TULP4: variants seen among roughly 807,000 people sequenced by gnomAD.
The protein encoded by TULP4 is TUB like protein 4.
TULP4 carries 16 observed loss-of-function variants against 129.0 expected under a neutral mutation model. The observed-to-expected ratio is 0.12, with a 90% CI of 0.08 to 0.19. TULP4 has a LOEUF of 0.19. Among genes scored for constraint, TULP4 ranks in the 10% least tolerant of loss-of-function variants. TULP4 has a pLI of 1.00. For missense variants in TULP4, 1,842 were observed against 2,059.1 expected, an observed-to-expected ratio of 0.89 and a Z score of 2.04; for synonymous variants, 998 against 854.0, an observed-to-expected ratio of 1.17 and a Z score of -2.94.
chr6:158,275,159 G>T (rs556942847), intron 1 of TULP4, among the ~76,000 whole-genome samples: 1 of 152,356 alleles, frequency 6.6e-6, no homozygotes, highest in Non-Finnish European at 1.5e-5. Context: ...TGGAGTGCTT[G>T]TATAGTTCTG....
At chr6:158,263,586 C>T (rs965530271) in intron 1 of TULP4, among the ~76,000 whole-genome samples, 17 of 152,052 alleles carry the variant, frequency 1.1e-4, no homozygotes, top group Admixed American at 7.2e-4. Flanking sequence ...TGGAATGAAG[C>T]TATCAAAAAG....
chr6:158,400,279 G>T (rs1777810242), intron 1 of TULP4, among the ~76,000 whole-genome samples: 1 of 152,104 alleles, frequency 6.6e-6, no homozygotes, highest in African/African-American at 2.4e-5. Context: ...AAAAAAAGTT[G>T]AACAGGCACC....
intron 1 of TULP4, among the ~76,000 whole-genome samples, chr6:158,406,533 T>G (rs1014882423): frequency 2.0e-5 from 3 of 152,038 alleles, no homozygotes; most frequent in Non-Finnish European, 4.4e-5. Flanking sequence ...GAAGTTAGAG[T>G]CATAGGGGGT....
intron 3 of TULP4, among the ~76,000 whole-genome samples, chr6:158,446,970 G>A (rs1465277691): frequency 6.6e-6 from 1 of 152,098 alleles, no homozygotes; most frequent in Admixed American, 6.5e-5. Context: ...CATAAATTGG[G>A]GAGGCGGGGA....
At chr6:158,456,789 A>G (rs564354099) in intron 5 of TULP4, among the ~76,000 whole-genome samples, 24 of 150,854 alleles carry the variant, frequency 1.6e-4, no homozygotes, top group Admixed American at 5.3e-4. Flanking sequence ...AGCTGAGATC[A>G]CGCCACTGCA....
At chr6:158,435,815 C>G (rs1190868653) in intron 3 of TULP4, among the ~76,000 whole-genome samples, 1 of 152,180 alleles carries the variant, frequency 6.6e-6, no homozygotes. Context: ...CCTCTCCTCC[C>G]TCCGGTCCCT....
At chr6:158,285,635 A>G (rs1300587451) in intron 1 of TULP4, among the ~76,000 whole-genome samples, 1 of 152,202 alleles carries the variant, frequency 6.6e-6, no homozygotes, top group Non-Finnish European at 1.5e-5. Context: ...AGCCGCTTCC[A>G]TGTAGTTGTA....
rs1224022984 is a variant in TULP4, at chr6:158,502,049, G to A, written c.2386G>A (p.Glu796Lys). The A allele has an allele frequency of 3.7e-6, 6 of 1,613,278 alleles. No homozygotes were observed. Among genetic ancestry groups the A allele is most frequent in the Admixed American group, 1.7e-5 (1 of 59,944 alleles). ...STVGHGDRDH[E>K]HLQKSAKALR... ...GGTGGGCCATGGAGACCGAGACCAC[G>A]AACACCTGCAGAAGTCAGCCAAGGC... is the stretch of plus-strand genomic sequence containing the variant. Residue 796 changes from glutamate (E) to lysine (K), a missense_variant, in exon 13 of 14, where the codon GAA becomes AAA. Physicochemically the swap from Glu to Lys is moderately conservative, Grantham distance 56 (BLOSUM62 1). Coordinates refer to ENST00000367097, the MANE Select transcript of TULP4 (RefSeq NM_020245.5).
intron 1 of TULP4, among the ~76,000 whole-genome samples, chr6:158,378,003 G>A (rs1777231981): frequency 6.6e-6 from 1 of 152,156 alleles, no homozygotes; most frequent in African/African-American, 2.4e-5. Context: ...GTTCTTCTCT[G>A]AGGGCTGATA....
At chr6:158,362,862 C>G (rs1780828557) in intron 1 of TULP4, among the ~76,000 whole-genome samples, 1 of 85,530 alleles carries the variant, frequency 1.2e-5, no homozygotes, top group Non-Finnish European at 2.6e-5. Context: ...GAGTTCGAGA[C>G]TAGCCTGGCC....
At chr6:158,311,791 A>C (rs1779360604), upstream of TULP4, among the ~76,000 whole-genome samples, 1 of 152,202 alleles carries the variant, frequency 6.6e-6, no homozygotes, top group Non-Finnish European at 1.5e-5. Context: ...TTATGATTTC[A>C]TTCAGATGTG....
At chr6:158,268,927 G>C (rs371011382) in intron 1 of TULP4, among the ~76,000 whole-genome samples, 1 of 152,052 alleles carries the variant, frequency 6.6e-6, no homozygotes, top group Non-Finnish European at 1.5e-5. Flanking sequence ...AGCACTGTTG[G>C]CTTTAGTCAC....
At chr6:158,444,644 T>A (rs1388786321) in intron 3 of TULP4, among the ~76,000 whole-genome samples, 3 of 152,146 alleles carry the variant, frequency 2.0e-5, no homozygotes, top group African/African-American at 7.2e-5. Flanking sequence ...AAAATAGAAA[T>A]CTTTTGAATG....
At chr6:158,364,884 C>A (rs567919425) in intron 1 of TULP4, among the ~76,000 whole-genome samples, 1 of 152,028 alleles carries the variant, frequency 6.6e-6, no homozygotes, top group Non-Finnish European at 1.5e-5. Context: ...TACAGGCGCC[C>A]GCCACCACGC....
chr6:158,294,356 C>T (rs1210735653), intron 1 of TULP4, among the ~76,000 whole-genome samples: 1 of 149,960 alleles, frequency 6.7e-6, no homozygotes, highest in Non-Finnish European at 1.5e-5. Context: ...GAGCAAGACT[C>T]CATCTCAAAA....
At chr6:158,339,270 C>T (rs1001355799) in intron 1 of TULP4, among the ~76,000 whole-genome samples, 4 of 152,016 alleles carry the variant, frequency 2.6e-5, no homozygotes, top group African/African-American at 9.7e-5. Flanking sequence ...GAGGGTGTTA[C>T]GAATAGGGTG....
intron 1 of TULP4, among the ~76,000 whole-genome samples, chr6:158,392,503 C>A (rs1393399291): frequency 6.6e-6 from 1 of 152,200 alleles, no homozygotes; most frequent in Non-Finnish European, 1.5e-5. Flanking sequence ...ATCTCTGATT[C>A]TCCCGGCTTT....
chr6:158,314,817 A>G (rs952187731), intron 1 of TULP4, among the ~76,000 whole-genome samples: 6 of 152,238 alleles, frequency 3.9e-5, no homozygotes, highest in Non-Finnish European at 8.8e-5. Flanking sequence ...AGTTTTTCAC[A>G]TGTATAGGGT....
intron 1 of TULP4, among the ~76,000 whole-genome samples, chr6:158,285,383 C>T (rs1480218702): frequency 6.6e-6 from 1 of 151,842 alleles, no homozygotes; most frequent in African/African-American, 2.4e-5. Context: ...TATTTCTGTC[C>T]AAAAAGTCAT....
Sources: allele counts gnomAD v4.1 joint callset (sites outside exome capture counted in the v4.1 genomes callset), GRCh38; gene constraint gnomAD v4.1.1; transcripts MANE v1.5; gene names NCBI Gene and HGNC (gene_info 2026-07-23, HGNC 2026-07-21).